The following PDE4D variants were observed in gnomAD, a reference collection of about 807,000 sequenced individuals.
PDE4D encodes phosphodiesterase 4D.
In PDE4D, 24 loss-of-function variants were observed where a neutral mutation model predicts 87.4. That is an observed-to-expected ratio of 0.27 (90% CI 0.20 to 0.39). The LOEUF is 0.39. Ranked by LOEUF, PDE4D falls within the 10% of genes least tolerant of loss-of-function variation. PDE4D has a pLI of 1.00. For missense variants in PDE4D, 714 were observed against 1,041.0 expected, an observed-to-expected ratio of 0.69 and a Z score of 4.32; for synonymous variants, 384 against 383.2, an observed-to-expected ratio of 1.00 and a Z score of -0.02.
At chr5:58,978,802 C>CTTTTATAG (rs1744428359) in intron 11 of PDE4D, among the ~76,000 whole-genome samples, 1 of 152,020 alleles carries the variant, frequency 6.6e-6, no homozygotes, top group African/African-American at 2.4e-5. Context: ...AAGGCAGTTT[C>CTTTTATAG]TGGTGAACTT....
chr5:59,066,974 C>A (rs375076435), intron 5 of PDE4D, among the ~76,000 whole-genome samples: 11 of 149,822 alleles, frequency 7.3e-5, no homozygotes, highest in African/African-American at 2.5e-4. Flanking sequence ...TGTTTATAAG[C>A]CACCCAGCTC....
Position 59,184,393 on chromosome 5 carries a change from T to A in PDE4D, c.758+796A>T, listed in dbSNP as rs151149740. On this transcript the variant is annotated intron_variant, in intron 4 of 14. Transcript: ENST00000340635. ...GTAAAGTTCAGATTTCTCATTGTTT[T>A]TAAGAAGTAGTAACTACTATGAAAT... 3.6e-3 allele frequency among the ~76,000 whole-genome samples: 542 copies of A among 152,320 alleles called. 2 individuals carry two copies. Among genetic ancestry groups the A allele is most frequent in the African/African-American group, 0.013 (525 of 41,568 alleles).
chr5:59,916,942 C>T (rs994517776), intron 3 of PDE4D, among the ~76,000 whole-genome samples: 9 of 149,804 alleles, frequency 6.0e-5, no homozygotes, highest in African/African-American at 2.2e-4. Context: ...GGTGCACCAC[C>T]ATGCCCGGCT....
chr5:59,933,792 T>TATATATATATATATATATATA (rs1561879282), intron 3 of PDE4D, among the ~76,000 whole-genome samples: 47 of 99,420 alleles, frequency 4.7e-4, no homozygotes, highest in African/African-American at 2.2e-3. Context: ...ATATATATAT[T>TATATATATATATATATATATA]AATAAGCATT....
At chr5:59,300,313 T>C (rs1769967732) in intron 1 of PDE4D, among the ~76,000 whole-genome samples, 1 of 152,078 alleles carries the variant, frequency 6.6e-6, no homozygotes, top group Non-Finnish European at 1.5e-5. Flanking sequence ...CAGTGTTTCT[T>C]TGAAATGAGT....
intron 1 of PDE4D, among the ~76,000 whole-genome samples, chr5:59,337,566 C>G (rs763834794): frequency 6.6e-6 from 1 of 152,102 alleles, no homozygotes; most frequent in Non-Finnish European, 1.5e-5. Flanking sequence ...ATGATTATCT[C>G]ACTTAATCCC....
intron 1 of PDE4D, among the ~76,000 whole-genome samples, chr5:60,240,197 T>A (rs1369195564): frequency 6.6e-6 from 1 of 152,110 alleles, no homozygotes; most frequent in Admixed American, 6.6e-5. Flanking sequence ...TGGATGCTGA[T>A]CTTATTATTA....
At chr5:59,876,307 T>C (rs1464076640) in intron 1 of PDE4D, among the ~76,000 whole-genome samples, 1 of 152,184 alleles carries the variant, frequency 6.6e-6, no homozygotes, top group Non-Finnish European at 1.5e-5. Flanking sequence ...ATGATAATGA[T>C]GATGATAGTG....
intron 1 of PDE4D, among the ~76,000 whole-genome samples, chr5:59,243,504 G>A (rs889245713): frequency 1.8e-5 from 2 of 112,840 alleles, no homozygotes; most frequent in Non-Finnish European, 3.3e-5. Context: ...TTGTTGCCCA[G>A]GCTGGAGTGC....
At chr5:59,732,833 A>G (rs1408367590) in intron 1 of PDE4D, among the ~76,000 whole-genome samples, 2 of 152,186 alleles carry the variant, frequency 1.3e-5, no homozygotes, top group Admixed American at 6.6e-5. Context: ...CTTTAAGGAC[A>G]TATCACAAGT....
chr5:60,155,445 A>G (rs886148978), intron 2 of PDE4D, among the ~76,000 whole-genome samples: 1 of 152,156 alleles, frequency 6.6e-6, no homozygotes, highest in Non-Finnish European at 1.5e-5. Flanking sequence ...TGTGTGTCTC[A>G]TTCTTATTGA....
At chr5:60,095,317 T>C (rs2149319085) in intron 2 of PDE4D, among the ~76,000 whole-genome samples, 1 of 152,324 alleles carries the variant, frequency 6.6e-6, no homozygotes, top group East Asian at 1.9e-4. Context: ...TTTCTGTTCT[T>C]GTGTTAGTTT....
intron 1 of PDE4D, among the ~76,000 whole-genome samples, chr5:59,478,050 G>A (rs1002739345): frequency 6.6e-6 from 1 of 151,932 alleles, no homozygotes; most frequent in Non-Finnish European, 1.5e-5. Context: ...AGAAGGGGAA[G>A]GGAGGGAGGA....
At chr5:60,436,776 A>G (rs375706854) in intron 1 of PDE4D, among the ~76,000 whole-genome samples, 1 of 152,062 alleles carries the variant, frequency 6.6e-6, no homozygotes, top group Admixed American at 6.6e-5. Context: ...TGCTGTTTTT[A>G]GAAGCATGAA....
chr5:59,300,865 T>A (rs1156476746), intron 1 of PDE4D, among the ~76,000 whole-genome samples: 2 of 152,206 alleles, frequency 1.3e-5, no homozygotes, highest in African/African-American at 4.8e-5. Flanking sequence ...GTTGGCATAC[T>A]CATAATCCTC....
At chr5:59,979,557 G>A (rs978879157) in intron 3 of PDE4D, among the ~76,000 whole-genome samples, 3 of 151,858 alleles carry the variant, frequency 2.0e-5, no homozygotes, top group East Asian at 3.9e-4. Context: ...TCACTTTAAC[G>A]AAGCTCAGAG....
chr5:60,056,566 T>C (rs1770800212), intron 2 of PDE4D, among the ~76,000 whole-genome samples: 2 of 152,040 alleles, frequency 1.3e-5, no homozygotes, highest in Admixed American at 1.3e-4. Flanking sequence ...TGGATGATCA[T>C]ACAGTTTCTT....
intron 1 of PDE4D, among the ~76,000 whole-genome samples, chr5:59,676,098 TACACAC>T (rs145556614): frequency 7.3e-5 from 11 of 149,932 alleles, no homozygotes; most frequent in African/African-American, 1.2e-4. Flanking sequence ...TATATGTATA[TACACAC>T]ACACACACAC....
intron 1 of PDE4D, among the ~76,000 whole-genome samples, chr5:59,822,837 C>G (rs1769859571): frequency 1.3e-5 from 2 of 152,150 alleles, no homozygotes; most frequent in Non-Finnish European, 2.9e-5. Flanking sequence ...GCAACTGTCT[C>G]AAACTAAGGC....
Sources: allele counts gnomAD v4.1 joint callset (sites outside exome capture counted in the v4.1 genomes callset), GRCh38; gene constraint gnomAD v4.1.1; transcripts MANE v1.5; gene names NCBI Gene and HGNC (gene_info 2026-07-23, HGNC 2026-07-21).